The following CCT8 variants were observed in gnomAD, a reference collection of about 807,000 sequenced individuals.
CCT8 encodes T-complex protein 1 subunit theta.
In CCT8, 10 loss-of-function variants were observed where a neutral mutation model predicts 65.7. That is an observed-to-expected ratio of 0.15 (90% CI 0.09 to 0.26). The LOEUF (loss-of-function observed/expected upper bound fraction) is 0.26. Among genes scored for constraint, CCT8 ranks in the 10% least tolerant of loss-of-function variants. The probability of loss-of-function intolerance (pLI) is 1.00; values close to 1 mark genes in which losing one functional copy is unlikely to be tolerated. For missense variants in CCT8, 568 were observed against 669.1 expected (o/e 0.85, Z 1.67); for synonymous variants, 199 against 221.8 (o/e 0.90, Z 0.92).
intron 14 of CCT8, among the ~76,000 whole-genome samples, chr21:29,057,705 A>C (rs2085515857): frequency 6.8e-6 from 1 of 146,890 alleles, no homozygotes. Context: ...CATATATCAT[A>C]TATAATATAT....
intron 8 of CCT8, 112 bp downstream of exon 8, chr21:29,063,240 G>A (rs34511083): frequency 0.019 from 14,807 of 780,986 alleles, 170 homozygotes; most frequent in Non-Finnish European, 0.023. Flanking sequence ...ATTTGACCTA[G>A]TACCTTTACT....
intron 14 of CCT8, chr21:29,059,441 G>A (rs1197027138): frequency 6.6e-6 from 1 of 152,124 alleles, no homozygotes; most frequent in African/African-American, 2.4e-5. Context: ...CAAGGGTGGT[G>A]GTTATTGTCT....
rs1174946566 is a variant in CCT8, at chr21:29,061,247, A to G, written c.1449+6T>C. 3.1e-6 allele frequency: 5 copies of G among 1,605,150 alleles called. No homozygotes were observed. The highest frequency in any genetic ancestry group is 4.3e-6 in the Non-Finnish European group (5 of 1,174,206). Reference sequence around the variant, plus strand: ...AGCAATTTAAGTTCAGTGTTTTTTCAAATACCTCAATATCTAATCCAACGT... The same window carrying G: ...AGCAATTTAAGTTCAGTGTTTTTTCGAATACCTCAATATCTAATCCAACGT... On this transcript the variant is annotated splice_donor_region_variant and intron_variant, in intron 13 of 14. Coordinates refer to ENST00000286788, the MANE Select transcript of CCT8 (RefSeq NM_006585.4).
intron 3 of CCT8, among the ~76,000 whole-genome samples, chr21:29,068,861 T>G (rs1429229597): frequency 6.6e-6 from 1 of 152,258 alleles, no homozygotes; most frequent in Non-Finnish European, 1.5e-5. Flanking sequence ...GGGCTAAGCT[T>G]CAGGAAAATT....
At chr21:29,064,237 G>A (rs187059314) in intron 7 of CCT8, among the ~76,000 whole-genome samples, 8 of 151,440 alleles carry the variant, frequency 5.3e-5, no homozygotes, top group African/African-American at 7.3e-5. Context: ...AGGCCAAGGC[G>A]GGTGGATCAC....
At chr21:29,064,604 ATACT>A (rs762992526) in intron 7 of CCT8, among the ~76,000 whole-genome samples, 8 of 152,132 alleles carry the variant, frequency 5.3e-5, no homozygotes, top group Non-Finnish European at 1.0e-4. Flanking sequence ...TTTTAGAAAC[ATACT>A]TACCATTTTC....
chr21:29,069,384 C>T (rs747707380), intron 3 of CCT8, 39 bp downstream of exon 3: 2 of 1,225,132 alleles, frequency 1.6e-6, no homozygotes, highest in South Asian at 2.8e-5. Context: ...ATTTTGATGT[C>T]ACCAAAATAT....
At chr21:29,063,667 C>T in intron 7 of CCT8, 137 bp from the exon 8 acceptor site, 1 of 752,948 alleles carries the variant, frequency 1.3e-6, no homozygotes. Flanking sequence ...TATGAAGCAG[C>T]AGAATACTGT....
At chr21:29,071,734 A>G (rs756980898) in intron 1 of CCT8, among the ~76,000 whole-genome samples, 2 of 152,090 alleles carry the variant, frequency 1.3e-5, no homozygotes, top group African/African-American at 2.4e-5. Context: ...CTGTTATTCC[A>G]GCAATAACAC....
chr21:29,068,530 G>A (rs1318565733), intron 3 of CCT8, among the ~76,000 whole-genome samples: 2 of 152,028 alleles, frequency 1.3e-5, no homozygotes, highest in Non-Finnish European at 2.9e-5. Flanking sequence ...CGCGATCTTG[G>A]CTCATTGCAA....
intron 1 of CCT8, among the ~76,000 whole-genome samples, chr21:29,070,946 C>G (rs947585872): frequency 1.3e-5 from 2 of 152,152 alleles, no homozygotes; most frequent in African/African-American, 4.8e-5. Flanking sequence ...AGACTGAATA[C>G]TTTTTTTGAA....
intron 3 of CCT8, among the ~76,000 whole-genome samples, chr21:29,068,461 A>G (rs568479365): frequency 6.6e-6 from 1 of 150,894 alleles, no homozygotes; most frequent in Non-Finnish European, 1.5e-5. Flanking sequence ...TATAATATGT[A>G]TTTTTTTTTC....
chr21:29,059,696 G>A (rs2085542075), intron 14 of CCT8: 1 of 152,060 alleles, frequency 6.6e-6, no homozygotes, highest in African/African-American at 2.4e-5. Context: ...TAAACATCTA[G>A]TTTCTGCTTA....
chr21:29,060,063 A>G (rs1369368975), intron 14 of CCT8: 1 of 150,194 alleles, frequency 6.7e-6, no homozygotes, highest in Non-Finnish European at 1.5e-5. Flanking sequence ...TTCTATATAT[A>G]GAACAGTCTA....
intron 1 of CCT8, chr21:29,073,209 C>CT (rs1387331775): frequency 1.0e-5 from 12 of 1,153,752 alleles, no homozygotes; most frequent in Non-Finnish European, 1.3e-5. Context: ...TCACAACCTC[C>CT]TTTAAGGGTG....
chr21:29,070,383 G>C, intron 1 of CCT8, 46 bp from the exon 2 acceptor site: 1 of 1,223,764 alleles, frequency 8.2e-7, no homozygotes, highest in Non-Finnish European at 1.2e-6. Context: ...AGACAGGACA[G>C]TGAAACAAAA....
In CCT8 at chr21:29,067,037, G is replaced by A; in HGVS notation, c.416C>T (p.Ala139Val). 1 of 1,612,484 alleles carries A rather than the reference G, an allele frequency of 6.2e-7. No individual in the cohort carries two copies. Among genetic ancestry groups the A allele is most frequent in the Non-Finnish European group, 8.5e-7 (1 of 1,179,226 alleles). Residue 139 changes from alanine to valine, a missense_variant, in exon 5 of 15, where the codon GCT becomes GTT. Coordinates refer to ENST00000286788, the MANE Select transcript of CCT8 (RefSeq NM_006585.4). ...IEGYEIACRK[A>V]HEILPNLVCC... ...TACCAAATTAGGAAGAATCTCATGAGCTTTTCTGCAGGCTATTTCATAACC... is the reference window on the plus strand; with the variant it reads ...TACCAAATTAGGAAGAATCTCATGAACTTTTCTGCAGGCTATTTCATAACC...
chr21:29,058,555 G>A (rs1373812638), intron 14 of CCT8, among the ~76,000 whole-genome samples: 1 of 151,646 alleles, frequency 6.6e-6, no homozygotes, highest in Non-Finnish European at 1.5e-5. Flanking sequence ...TTCTGATATT[G>A]GTGGGTCTGG....
intron 6 of CCT8, 85 bp downstream of exon 6, chr21:29,066,631 A>T (rs960975946): frequency 9.0e-6 from 6 of 667,254 alleles, no homozygotes; most frequent in African/African-American, 1.9e-5. Flanking sequence ...AGATGAACAC[A>T]TTTTTTTTTT....
Sources: gnomAD v4.1 joint callset for allele counts (sites outside exome capture counted in the v4.1 genomes callset) on GRCh38, gnomAD v4.1.1 for gene constraint, MANE v1.5 for transcripts, NCBI Gene and HGNC (gene_info 2026-07-23, HGNC 2026-07-21) for gene names.